The following FOXP1 variants were observed in gnomAD, a reference collection of about 807,000 sequenced individuals.
The protein encoded by FOXP1 is forkhead box protein P1.
A neutral mutation model predicts 98.2 loss-of-function variants in FOXP1; 15 were observed. The observed-to-expected ratio is 0.15, with a 90% CI of 0.10 to 0.24. The LOEUF is 0.24. Among genes scored for constraint, FOXP1 ranks in the 10% least tolerant of loss-of-function variants. The pLI is 1.00. For missense variants in FOXP1, 633 were observed against 848.5 expected (o/e 0.75, Z 3.15); for synonymous variants, 371 against 314.5 (o/e 1.18, Z -1.90).
At chr3:71,265,961 G>T (rs940019497) in intron 5 of FOXP1, among the ~76,000 whole-genome samples, 5 of 152,148 alleles carry the variant, frequency 3.3e-5, no homozygotes, top group African/African-American at 9.7e-5. Context: ...GGCCATCCCG[G>T]TCTAATGACT....
chr3:71,256,312 G>A (rs750649455), intron 5 of FOXP1, among the ~76,000 whole-genome samples: 1 of 152,130 alleles, frequency 6.6e-6, no homozygotes, highest in Non-Finnish European at 1.5e-5. Flanking sequence ...TAGAGCTCAG[G>A]GACAGCAGGG....
intron 3 of FOXP1, among the ~76,000 whole-genome samples, chr3:71,446,719 T>C (rs1295333313): frequency 6.6e-6 from 1 of 152,266 alleles, no homozygotes; most frequent in East Asian, 1.9e-4. Context: ...TGTTTCTCTA[T>C]GGATCCCATT....
intron 3 of FOXP1, among the ~76,000 whole-genome samples, chr3:71,460,287 T>C (rs773722194): frequency 7.2e-5 from 11 of 152,070 alleles, no homozygotes; most frequent in Non-Finnish European, 1.5e-4. Context: ...TCACCCAAGC[T>C]GGAATGCAGT....
intron 7 of FOXP1, among the ~76,000 whole-genome samples, chr3:71,057,840 C>A (rs1229796202): frequency 2.0e-5 from 3 of 152,104 alleles, no homozygotes; most frequent in Non-Finnish European, 4.4e-5. Context: ...GTGCTTGGGC[C>A]ATCACAGCTC....
At chr3:71,163,203 T>G (rs2061229093) in intron 6 of FOXP1, among the ~76,000 whole-genome samples, 1 of 152,224 alleles carries the variant, frequency 6.6e-6, no homozygotes, top group Non-Finnish European at 1.5e-5. Flanking sequence ...GGTATGTCTT[T>G]AACAGTCCTG....
intron 4 of FOXP1, among the ~76,000 whole-genome samples, chr3:71,328,990 C>CAAAAAAAAAAAAAA (rs56332143): frequency 5.1e-5 from 3 of 59,026 alleles, no homozygotes; most frequent in Non-Finnish European, 7.2e-5. Context: ...AAAAAAAAAA[C>CAAAAAAAAAAAAAA]AAAAAAAAAA....
intron 4 of FOXP1, 108 bp from the exon 5 acceptor site, chr3:71,299,988 G>C (rs544902378): frequency 6.6e-6 from 1 of 152,588 alleles, no homozygotes; most frequent in East Asian, 1.9e-4. Flanking sequence ...TCTATTTAAT[G>C]GCAAATGACT....
At chr3:71,296,651 G>A (rs949949685) in intron 5 of FOXP1, 2 of 152,128 alleles carry the variant, frequency 1.3e-5, no homozygotes, top group African/African-American at 2.4e-5. Flanking sequence ...CTTGGAATAG[G>A]AATACTGAAG....
intron 11 of FOXP1, among the ~76,000 whole-genome samples, chr3:71,036,412 T>C (rs1286103987): frequency 1.3e-5 from 2 of 152,288 alleles, no homozygotes; most frequent in Middle Eastern, 3.4e-3. Flanking sequence ...TAAGGAAACA[T>C]CTTTGACCAA....
chr3:71,063,336 G>A (rs980687134), intron 7 of FOXP1, among the ~76,000 whole-genome samples: 4 of 152,226 alleles, frequency 2.6e-5, no homozygotes, highest in South Asian at 2.1e-4. Context: ...TAATAACCAA[G>A]GAAGCTTTGT....
intron 6 of FOXP1, among the ~76,000 whole-genome samples, chr3:71,148,074 T>A (rs2060396598): frequency 6.6e-6 from 1 of 152,172 alleles, no homozygotes; most frequent in Admixed American, 6.5e-5. Flanking sequence ...ATTAGCCAGA[T>A]AATATGAAAA....
intron 2 of FOXP1, among the ~76,000 whole-genome samples, chr3:71,547,163 A>C (rs1260351954): frequency 6.6e-6 from 1 of 152,216 alleles, no homozygotes; most frequent in African/African-American, 2.4e-5. Context: ...TAAAAATTAC[A>C]GGTTTCTGAA....
intron 7 of FOXP1, among the ~76,000 whole-genome samples, chr3:71,095,413 G>C (rs114303348): frequency 2.6e-5 from 4 of 152,098 alleles, no homozygotes; most frequent in Admixed American, 2.0e-4. Context: ...CAAAATTCCA[G>C]AACAGTTGTA....
intron 12 of FOXP1, among the ~76,000 whole-genome samples, chr3:71,004,065 T>A (rs1226115843): frequency 1.5e-5 from 2 of 136,340 alleles, no homozygotes. Context: ...CACAGCATTG[T>A]GGACTTTAAG....
At chr3:71,281,780 C>T (rs1022589140) in intron 5 of FOXP1, among the ~76,000 whole-genome samples, 2 of 151,814 alleles carry the variant, frequency 1.3e-5, no homozygotes, top group African/African-American at 4.8e-5. Flanking sequence ...ATGGCAATGG[C>T]TTGGCCTTTT....
chr3:71,428,905 G>T (rs1263812453), intron 3 of FOXP1, among the ~76,000 whole-genome samples: 1 of 152,212 alleles, frequency 6.6e-6, no homozygotes, highest in African/African-American at 2.4e-5. Context: ...CTGAAGCCGG[G>T]GCTTTCCTGG....
At chr3:70,979,316 A>AAAAAAAAAGAAAAG (rs1553670621) in intron 14 of FOXP1, among the ~76,000 whole-genome samples, 1 of 96,510 alleles carries the variant, frequency 1.0e-5, no homozygotes, top group African/African-American at 4.3e-5. Context: ...AAAAAAAAAA[A>AAAAAAAAAGAAAAG]AAAAGAAAAA....
intron 5 of FOXP1, among the ~76,000 whole-genome samples, chr3:71,209,621 GC>G (rs2064304240): frequency 1.3e-5 from 2 of 152,248 alleles, no homozygotes; most frequent in South Asian, 4.2e-4. Flanking sequence ...GCTCTTCAAA[GC>G]CCAGAATGAA....
At chr3:71,109,888 C>T (rs1043282342) in intron 7 of FOXP1, among the ~76,000 whole-genome samples, 1 of 152,086 alleles carries the variant, frequency 6.6e-6, no homozygotes, top group South Asian at 2.1e-4. Flanking sequence ...AGATTTATTT[C>T]CCCCGGCCAA....
Sources: gnomAD v4.1 joint callset for allele counts (sites outside exome capture counted in the v4.1 genomes callset) on GRCh38, gnomAD v4.1.1 for gene constraint, MANE v1.5 for transcripts, NCBI Gene and HGNC (gene_info 2026-07-23, HGNC 2026-07-21) for gene names.